Variants in DLGAP1 observed in about 807,000 individuals in gnomAD.
The protein encoded by DLGAP1 is disks large-associated protein 1.
DLGAP1 carries 11 observed loss-of-function variants against 90.8 expected under a neutral mutation model. The observed-to-expected ratio is 0.12, with a 90% CI of 0.08 to 0.20. The LOEUF is 0.20. DLGAP1 is among the 10% of genes least tolerant of loss of function. DLGAP1 has a pLI of 1.00. For synonymous variants in DLGAP1, 558 were observed against 540.7 expected (o/e 1.03, Z -0.44); for missense variants, 1,050 against 1,333.8 (o/e 0.79, Z 3.31).
chr18:4,282,734 C>G (rs2079583653), intron 1 of DLGAP1, among the ~76,000 whole-genome samples: 1 of 152,194 alleles, frequency 6.6e-6, no homozygotes, highest in Non-Finnish European at 1.5e-5. Flanking sequence ...TTTCTGTGAT[C>G]ACATAACTGG....
chr18:3,537,704 G>A (rs1018407675), intron 9 of DLGAP1, among the ~76,000 whole-genome samples: 4 of 152,106 alleles, frequency 2.6e-5, no homozygotes, highest in Non-Finnish European at 5.9e-5. Context: ...TTCCATAGTG[G>A]CTACACCATT....
intron 7 of DLGAP1, among the ~76,000 whole-genome samples, chr18:3,605,036 A>G (rs1010587697): frequency 1.3e-5 from 2 of 152,194 alleles, no homozygotes; most frequent in African/African-American, 4.8e-5. Flanking sequence ...ACTATTGTGT[A>G]CACTTAGAGG....
chr18:3,851,065 C>T (rs1363836613), intron 4 of DLGAP1, among the ~76,000 whole-genome samples: 2 of 152,214 alleles, frequency 1.3e-5, no homozygotes, highest in East Asian at 1.9e-4. Flanking sequence ...TCCACAGACT[C>T]CAAAGTCAGA....
rs59031003 is a variant in DLGAP1, at chr18:4,322,946, A to C, written c.-267+132060T>G. ...ACTGCACTCCAGCCTGGGCACAGAA[A>C]AAAAAAAAAAAAAAAAAAAAAAGGA... On this transcript the variant is annotated intron_variant, in intron 1 of 12. Coordinates refer to ENST00000315677, the MANE Select transcript of DLGAP1 (RefSeq NM_004746.4). Among the ~76,000 whole-genome samples the C allele has an allele frequency of 5.1e-3, 237 of 46,430 alleles. 2 individuals are homozygous for C. Among genetic ancestry groups the C allele is most frequent in the Middle Eastern group, 0.012 (1 of 84 alleles). 30.5% of individuals were successfully genotyped at this position (46,430 alleles called of 152,430 possible).
At chr18:3,854,112 T>G (rs2069494710) in intron 4 of DLGAP1, among the ~76,000 whole-genome samples, 1 of 152,104 alleles carries the variant, frequency 6.6e-6, no homozygotes, top group Non-Finnish European at 1.5e-5. Context: ...TATGAACCCC[T>G]CCCCCTAATA....
At chr18:3,916,991 C>A (rs1433921622) in intron 3 of DLGAP1, among the ~76,000 whole-genome samples, 1 of 152,156 alleles carries the variant, frequency 6.6e-6, no homozygotes. Flanking sequence ...AGTACCCATA[C>A]AATTATTCTG....
intron 1 of DLGAP1, among the ~76,000 whole-genome samples, chr18:4,407,396 G>C (rs1208001186): frequency 1.3e-5 from 2 of 152,132 alleles, no homozygotes; most frequent in Non-Finnish European, 2.9e-5. Flanking sequence ...GAATTTGAAT[G>C]TAAACTTTCT....
At chr18:4,436,141 A>T (rs1329892492) in intron 1 of DLGAP1, among the ~76,000 whole-genome samples, 1 of 152,200 alleles carries the variant, frequency 6.6e-6, no homozygotes, top group Non-Finnish European at 1.5e-5. Context: ...GCAGATAAAC[A>T]TGGTCATATT....
intron 3 of DLGAP1, among the ~76,000 whole-genome samples, chr18:3,898,984 C>T (rs1457593937): frequency 6.6e-6 from 1 of 151,908 alleles, no homozygotes; most frequent in Admixed American, 6.5e-5. Flanking sequence ...AAAATGCTCA[C>T]ACCTCTCAGC....
intron 5 of DLGAP1, among the ~76,000 whole-genome samples, chr18:3,792,406 C>A (rs2065779460): frequency 6.6e-6 from 1 of 152,020 alleles, no homozygotes; most frequent in African/African-American, 2.4e-5. Context: ...TGCTTGAACC[C>A]AGGAGGTAGA....
At chr18:4,273,079 T>C (rs2079321941) in intron 1 of DLGAP1, among the ~76,000 whole-genome samples, 1 of 152,188 alleles carries the variant, frequency 6.6e-6, no homozygotes, top group Non-Finnish European at 1.5e-5. Context: ...CCTCTAGAAC[T>C]GTAAGAGGAT....
At chr18:3,996,638 AAAC>A (rs576229000) in intron 3 of DLGAP1, among the ~76,000 whole-genome samples, 80 of 152,062 alleles carry the variant, frequency 5.3e-4, no homozygotes, top group Non-Finnish European at 1.2e-4. Context: ...TAGATATGTC[AAAC>A]AAAATATATT....
intron 5 of DLGAP1, among the ~76,000 whole-genome samples, chr18:3,781,714 G>A (rs573265662): frequency 2.6e-5 from 4 of 152,292 alleles, no homozygotes; most frequent in South Asian, 2.1e-4. Context: ...AGAGATACCC[G>A]TAAGGGGACC....
chr18:3,763,278 A>G (rs2064057217), intron 5 of DLGAP1, among the ~76,000 whole-genome samples: 2 of 152,186 alleles, frequency 1.3e-5, no homozygotes, highest in African/African-American at 4.8e-5. Context: ...ACCCTTGAAC[A>G]TCGGCCTCCA....
At chr18:4,250,705 C>T (rs1056800761) in intron 1 of DLGAP1, among the ~76,000 whole-genome samples, 3 of 152,152 alleles carry the variant, frequency 2.0e-5, no homozygotes, top group African/African-American at 7.2e-5. Flanking sequence ...TATGCATTAA[C>T]TTTCCACTAT....
chr18:3,675,322 G>T (rs975749320), intron 7 of DLGAP1, among the ~76,000 whole-genome samples: 1 of 152,134 alleles, frequency 6.6e-6, no homozygotes, highest in Non-Finnish European at 1.5e-5. Flanking sequence ...TAATCCGCCG[G>T]CCTCAGCCTC....
At chr18:3,522,135 C>CTTTT (rs11374414) in intron 10 of DLGAP1, among the ~76,000 whole-genome samples, 14 of 98,240 alleles carry the variant, frequency 1.4e-4, no homozygotes, top group Non-Finnish European at 1.7e-4. Context: ...TTCTTTCTTG[C>CTTTT]TTTTTTTTTT....
At chr18:3,897,385 A>G (rs2071652448) in intron 3 of DLGAP1, among the ~76,000 whole-genome samples, 1 of 152,230 alleles carries the variant, frequency 6.6e-6, no homozygotes, top group South Asian at 2.1e-4. Flanking sequence ...AGCTAGTAAA[A>G]GAGCTAACAT....
At chr18:3,644,621 C>T (rs912155492) in intron 7 of DLGAP1, among the ~76,000 whole-genome samples, 7 of 152,118 alleles carry the variant, frequency 4.6e-5, no homozygotes, top group African/African-American at 1.4e-4. Context: ...CCATGTCGGC[C>T]AGGCTGGTCT....
Sources: gnomAD v4.1 joint callset for allele counts (sites outside exome capture counted in the v4.1 genomes callset) on GRCh38, gnomAD v4.1.1 for gene constraint, MANE v1.5 for transcripts, NCBI Gene and HGNC (gene_info 2026-07-23, HGNC 2026-07-21) for gene names.